The following CUX1 variants were observed in gnomAD, a reference collection of about 807,000 sequenced individuals.
CUX1 encodes cut like homeobox 1.
In CUX1, 31 loss-of-function variants were observed where a neutral mutation model predicts 158.8. The ratio of observed to expected loss-of-function variants is 0.20; its 90% CI spans 0.15 to 0.26. The LOEUF (loss-of-function observed/expected upper bound fraction) is 0.26, where lower values mean the gene tolerates loss of function less well. CUX1 is among the 10% of genes least tolerant of loss of function. CUX1 has a pLI of 1.00. For missense variants in CUX1, 1,589 were observed against 2,014.6 expected (o/e 0.79, Z 4.04); for synonymous variants, 879 against 862.1 (o/e 1.02, Z -0.34).
intron 2 of CUX1, among the ~76,000 whole-genome samples, chr7:102,004,542 G>C (rs1363333355): frequency 6.6e-6 from 1 of 152,130 alleles, no homozygotes; most frequent in Admixed American, 6.6e-5. Flanking sequence ...AGAGTGTTCT[G>C]GGCTTCTAAG....
intron 2 of CUX1, among the ~76,000 whole-genome samples, chr7:101,945,230 C>T (rs1471172361): frequency 6.6e-6 from 1 of 152,146 alleles, no homozygotes; most frequent in African/African-American, 2.4e-5. Context: ...GGCTTCCACC[C>T]AGGCAGGCTC....
intron 2 of CUX1, among the ~76,000 whole-genome samples, chr7:102,021,980 C>T (rs1174493745): frequency 6.6e-6 from 1 of 152,208 alleles, no homozygotes; most frequent in Admixed American, 6.5e-5. Context: ...CTCCTGCAGA[C>T]AGAGGTGAAC....
At chr7:102,168,035 A>G (rs916598749) in intron 9 of CUX1, among the ~76,000 whole-genome samples, 16 of 151,344 alleles carry the variant, frequency 1.1e-4, no homozygotes, top group Admixed American at 6.6e-4. Flanking sequence ...CTGAGATTGC[A>G]CCACTGCACT....
intron 8 of CUX1, among the ~76,000 whole-genome samples, chr7:102,128,135 G>T (rs1554495963): frequency 2.0e-4 from 31 of 152,190 alleles, no homozygotes; most frequent in Non-Finnish European, 1.5e-5. Flanking sequence ...ACCACGCCCA[G>T]CCGGCTGTGG....
chr7:101,955,403 G>A (rs1809639587), intron 2 of CUX1, among the ~76,000 whole-genome samples: 1 of 152,222 alleles, frequency 6.6e-6, no homozygotes, highest in Non-Finnish European at 1.5e-5. Context: ...TCTCCCTGAT[G>A]AGGAGGCATA....
rs558422028 is a variant in CUX1 at position 102,196,818 on chromosome 7, C to A, written c.1407C>A (p.Ser469Arg). 5 of 1,614,188 alleles carry A rather than the reference C, an allele frequency of 3.1e-6. No individual in the cohort carries two copies. In the South Asian group the frequency reaches 5.5e-5, roughly 18 times the overall value. Residue 469 changes from serine to arginine, a missense_variant, in exon 15 of 24, where the codon AGC (serine) becomes AGA (arginine). Ser to Arg is a moderately radical substitution (Grantham distance 110). Coordinates refer to ENST00000292535, the MANE Select transcript of CUX1 (RefSeq NM_181552.4). Reference sequence around the variant, plus strand: ...TCAGCTCATCCCTGGCAAGCCCCAGCCTACCCCTGGCTTCTACAGGAAAAT... The same window carrying A: ...TCAGCTCATCCCTGGCAAGCCCCAGACTACCCCTGGCTTCTACAGGAAAAT... ...DFFSSSLASP[S>R]LPLASTGKFA...
intron 9 of CUX1, among the ~76,000 whole-genome samples, chr7:102,162,421 A>G (rs1478943399): frequency 1.3e-5 from 2 of 151,156 alleles, no homozygotes; most frequent in African/African-American, 4.9e-5. Context: ...CTATGGGCAT[A>G]TGGCTCCCCA....
exon 17 of CUX1, chr7:102,275,333 C>G: frequency 1.9e-6 from 3 of 1,612,912 alleles, no homozygotes; most frequent in Non-Finnish European, 2.5e-6. Flanking sequence ...GGAGCGCTTC[C>G]GTGCCCGGAA....
At chr7:102,180,301 C>T (rs1213398280) in intron 11 of CUX1, among the ~76,000 whole-genome samples, 3 of 148,438 alleles carry the variant, frequency 2.0e-5, no homozygotes, top group African/African-American at 2.5e-5. Context: ...GGATTACAGG[C>T]GTGAGCCACT....
chr7:102,278,263 G>C (rs1267943915), intron 18 of CUX1, among the ~76,000 whole-genome samples: 1 of 152,200 alleles, frequency 6.6e-6, no homozygotes, highest in African/African-American at 2.4e-5. Context: ...GAAGCTCACA[G>C]AGTGGAGCCC....
intron 5 of CUX1, among the ~76,000 whole-genome samples, chr7:102,104,058 C>T (rs565013044): frequency 1.8e-3 from 280 of 152,208 alleles, no homozygotes; most frequent in African/African-American, 6.4e-3. Flanking sequence ...TTCCATCTCC[C>T]CCCACCCTTT....
intron 2 of CUX1, among the ~76,000 whole-genome samples, chr7:101,927,056 G>T (rs1286985129): frequency 6.6e-6 from 1 of 152,102 alleles, no homozygotes; most frequent in Non-Finnish European, 1.5e-5. Context: ...GGCAGTGAGT[G>T]ATCAAGGATG....
upstream of CUX1, chr7:101,816,912 C>T (rs1354734400): frequency 6.1e-6 from 6 of 981,078 alleles, no homozygotes; most frequent in Non-Finnish European, 7.2e-6. Flanking sequence ...GTGTGGCTCC[C>T]GGCGCGGACC....
At chr7:101,945,293 C>T (rs894976777) in intron 2 of CUX1, among the ~76,000 whole-genome samples, 1 of 152,166 alleles carries the variant, frequency 6.6e-6, no homozygotes, top group Admixed American at 6.5e-5. Context: ...CCTCCACTGT[C>T]ATTTAGACAC....
chr7:102,034,131 G>A (rs1296278956), intron 3 of CUX1, among the ~76,000 whole-genome samples: 1 of 94,626 alleles, frequency 1.1e-5, no homozygotes, highest in Non-Finnish European at 1.9e-5. Flanking sequence ...AGGTGACAGA[G>A]CGAGACTCCA....
chr7:102,186,262 G>A (rs1017158458), intron 11 of CUX1, among the ~76,000 whole-genome samples: 1 of 152,190 alleles, frequency 6.6e-6, no homozygotes, highest in Non-Finnish European at 1.5e-5. Context: ...ACATCCATGG[G>A]ACCAGGTTAC....
chr7:101,842,703 A>T (rs1275847609), intron 1 of CUX1, among the ~76,000 whole-genome samples: 1 of 151,136 alleles, frequency 6.6e-6, no homozygotes, highest in African/African-American at 2.4e-5. Context: ...AGTTTTTGAC[A>T]GTTGTTACAT....
At chr7:102,229,413 G>A (rs1229199822) in intron 21 of CUX1, among the ~76,000 whole-genome samples, 5 of 149,888 alleles carry the variant, frequency 3.3e-5, no homozygotes, top group East Asian at 3.9e-4. Context: ...CCGGGTTCAC[G>A]CGATTCTCCT....
intron 3 of CUX1, among the ~76,000 whole-genome samples, chr7:102,035,763 GGAGAGA>G (rs58022889): frequency 6.6e-6 from 1 of 151,604 alleles, no homozygotes; most frequent in African/African-American, 2.4e-5. Flanking sequence ...AGAGTTAAAT[GGAGAGA>G]GAGAAAGTAT....
Sources: gnomAD v4.1 joint callset for allele counts (sites outside exome capture counted in the v4.1 genomes callset) on GRCh38, gnomAD v4.1.1 for gene constraint, MANE v1.5 for transcripts, NCBI Gene and HGNC (gene_info 2026-07-23, HGNC 2026-07-21) for gene names.